The following PARP1 variants were observed in gnomAD, a reference collection of about 807,000 sequenced individuals.
PARP1 encodes poly(ADP-ribose) polymerase 1.
In PARP1, 44 loss-of-function variants were observed where a neutral mutation model predicts 118.7. The observed-to-expected ratio is 0.37, with a 90% CI of 0.29 to 0.48. The LOEUF is 0.48. Among genes scored for constraint, PARP1 ranks in the 20% least tolerant of loss-of-function variants. The probability of loss-of-function intolerance (pLI) is 0.99; values close to 1 mark genes in which losing one functional copy is unlikely to be tolerated. For missense variants in PARP1, 1,100 were observed against 1,272.4 expected, an observed-to-expected ratio of 0.86 and a Z score of 2.06; for synonymous variants, 492 against 483.2, an observed-to-expected ratio of 1.02 and a Z score of -0.24.
At chr1:226,362,409 C>T (rs1157696583) in intron 21 of PARP1, among the ~76,000 whole-genome samples, 2 of 152,070 alleles carry the variant, frequency 1.3e-5, no homozygotes, top group Non-Finnish European at 2.9e-5. Context: ...TGGTCTCGAA[C>T]TCCTGACCTC....
chr1:226,368,087 G>A, intron 16 of PARP1, 112 bp downstream of exon 16: 2 of 1,419,068 alleles, frequency 1.4e-6, no homozygotes, highest in Non-Finnish European at 2.0e-6. Context: ...GCAAGAGGGT[G>A]GCCCTCCCAG....
chr1:226,379,812 G>C, intron 10 of PARP1, 110 bp downstream of exon 10: 2 of 1,545,292 alleles, frequency 1.3e-6, no homozygotes, highest in South Asian at 2.2e-5. Context: ...CTGCTCTGCA[G>C]CACTCAACAG....
At chr1:226,361,923 C>A (rs767125108) in intron 22 of PARP1, 46 bp downstream of exon 22, 8 of 1,174,208 alleles carry the variant, frequency 6.8e-6, no homozygotes, top group Non-Finnish European at 1.0e-5. Context: ...CTCTGTAGCT[C>A]GAGAACATCC....
chr1:226,365,236 G>T, intron 18 of PARP1, 82 bp from the exon 19 acceptor site: 1 of 1,443,382 alleles, frequency 6.9e-7, no homozygotes, highest in Non-Finnish European at 9.7e-7. Context: ...CTGGATACAC[G>T]AGAAATGACC....
At chr1:226,375,215 T>C (rs1043129702) in intron 13 of PARP1, among the ~76,000 whole-genome samples, 5 of 152,222 alleles carry the variant, frequency 3.3e-5, no homozygotes, top group Non-Finnish European at 5.9e-5. Context: ...CTACTCTCAG[T>C]GTTGAAACAC....
intron 7 of PARP1, among the ~76,000 whole-genome samples, chr1:226,384,269 G>A (rs1664675624): frequency 6.6e-6 from 1 of 152,166 alleles, no homozygotes; most frequent in East Asian, 1.9e-4. Context: ...GGTGGGGAGA[G>A]GGGTATGTGA....
At chr1:226,376,378 A>T (rs572355730) in intron 13 of PARP1, among the ~76,000 whole-genome samples, 1 of 152,356 alleles carries the variant, frequency 6.6e-6, no homozygotes, top group African/African-American at 2.4e-5. Context: ...GGAGACGCCC[A>T]AAACTACAGA....
intron 1 of PARP1, among the ~76,000 whole-genome samples, chr1:226,407,156 C>T (rs60698376): frequency 0.13 from 20,320 of 152,066 alleles, 1,748 homozygotes; most frequent in East Asian, 0.34. Flanking sequence ...CCCCTGGAGC[C>T]ACTCTTACTC....
At chr1:226,390,217 C>G (rs575316401) in intron 4 of PARP1, among the ~76,000 whole-genome samples, 193 bp downstream of exon 4, 1 of 152,164 alleles carries the variant, frequency 6.6e-6, no homozygotes, top group African/African-American at 2.4e-5. Context: ...GCCATGGGAA[C>G]CCCTGGCTGT....
intron 13 of PARP1, 21 bp downstream of exon 13, chr1:226,377,087 G>T (rs767790550): frequency 1.2e-6 from 2 of 1,600,212 alleles, no homozygotes; most frequent in Non-Finnish European, 1.7e-6. Context: ...AGCAGACAGT[G>T]TAAGGGCATT....
At position 226,380,022 on chromosome 1, in the gene PARP1, C is replaced by T; in HGVS notation, c.1443G>A (p.Trp481Ter). ...ELFLAHILSP[W>*]GAEVKAEPVE... Reference sequence around the variant, plus strand: ...CAGGCTCTGCCTTCACCTCTGCCCCCCAAGGGGACAAGATGTGCGCTAAGA... The same window carrying T: ...CAGGCTCTGCCTTCACCTCTGCCCCTCAAGGGGACAAGATGTGCGCTAAGA... Residue 481 changes from tryptophan (W) to a stop codon, truncating the protein, a stop_gained, in exon 10 of 23, where the codon TGG (tryptophan) becomes TGA (stop). Coordinates refer to ENST00000366794, the MANE Select transcript of PARP1 (RefSeq NM_001618.4). LOFTEE classifies it high-confidence loss of function. The T allele has an allele frequency of 1.2e-6, 2 of 1,614,224 alleles. No homozygotes were observed. Among genetic ancestry groups the T allele is most frequent in the Non-Finnish European group, 1.7e-6 (2 of 1,180,046 alleles).
At position 226,370,417 on chromosome 1, in the gene PARP1, G is replaced by A. The variant is rs1482757048; in HGVS notation, c.2154+17C>T. The A allele has an allele frequency of 6.2e-7, 1 of 1,601,846 alleles. No individual in the cohort carries two copies. The highest frequency in any genetic ancestry group is 1.3e-5 in the African/African-American group (1 of 74,800). The stretch of plus-strand genomic sequence containing the variant: ...CAGAGGAGGGTTCCAGGAGGCCCCT[G>A]GTAGCCCTGTGCTTACCTGCTGGAC... On this transcript the variant is annotated intron_variant, in intron 15 of 22. Coordinates refer to ENST00000366794, the MANE Select transcript of PARP1 (RefSeq NM_001618.4).
At chr1:226,392,070 C>T in intron 3 of PARP1, 129 bp downstream of exon 3, 1 of 765,388 alleles carries the variant, frequency 1.3e-6, no homozygotes, top group Non-Finnish European at 2.4e-6. Flanking sequence ...AATGTCTTCA[C>T]TTTATTTTTA....
chr1:226,377,261 G>T lies in PARP1; in HGVS notation c.1788C>A (p.Ile596=), dbSNP rs761065646. The T allele has an allele frequency of 6.2e-7, 1 of 1,613,944 alleles. No individual in the cohort carries two copies. The highest frequency in any genetic ancestry group is 8.5e-7 in the Non-Finnish European group (1 of 1,179,918). ...GCATCTGTTCCAGTTTGTTGCTACC[G>T]ATCACCGTACCCACACGGCCCCAGG... is the stretch of plus-strand genomic sequence containing the variant. ...FRSWGRVGTV[I]GSNKLEQMPS... is the part of the protein sequence containing the mutation. Residue 596 remains isoleucine, a synonymous_variant, in exon 13 of 23, where the codon ATC becomes ATA. Coordinates refer to ENST00000366794, the MANE Select transcript of PARP1 (RefSeq NM_001618.4).
intron 2 of PARP1, 32 bp downstream of exon 2, chr1:226,402,182 T>C: frequency 1.2e-6 from 2 of 1,614,192 alleles, no homozygotes; most frequent in Non-Finnish European, 1.7e-6. Flanking sequence ...GGGTGGGGGC[T>C]GAATGCCCAT....
chr1:226,406,493 C>A (rs1665150139), intron 1 of PARP1, among the ~76,000 whole-genome samples: 1 of 152,202 alleles, frequency 6.6e-6, no homozygotes, highest in South Asian at 2.1e-4. Flanking sequence ...TGTGAATTAA[C>A]GACTCCTAAT....
chr1:226,385,630 G>A lies in PARP1; in HGVS notation c.885C>T (p.Cys295=), dbSNP rs745779414. The change falls in exon 7 of 23, where the codon TGC becomes TGT. Residue 295 remains cysteine, a synonymous_variant. Coordinates refer to ENST00000366794, the MANE Select transcript of PARP1 (RefSeq NM_001618.4). The stretch of plus-strand genomic sequence containing the variant: ...AGACCAGCTGACCCGAGCATTCCTC[G>A]CAGGGAAGGAGGGCACCGAACACCA... ...DGMVFGALLP[C]EECSGQLVFK... The A allele has an allele frequency of 1.7e-5, 28 of 1,614,006 alleles. No individual in the cohort carries two copies. The highest frequency in any genetic ancestry group is 3.3e-5 in the Admixed American group (2 of 59,994).
In PARP1 at chr1:226,377,127, A is replaced by G. The variant is rs748106945; in HGVS notation, c.1922T>C (p.Leu641Pro). ...GGTTACCTGGCCATAGTCAATCTCCAGGGGGTAGAACTTTTTGGGATACTT... is the reference window on the plus strand; with the variant it reads ...GGTTACCTGGCCATAGTCAATCTCCGGGGGGTAGAACTTTTTGGGATACTT... ...FTKYPKKFYP[L>P]EIDYGQDEEA... is the part of the protein sequence containing the mutation. Residue 641 changes from leucine to proline, a missense_variant, in exon 13 of 23, where the codon CTG becomes CCG. Leu to Pro is a moderately conservative substitution (Grantham distance 98). Transcript: ENST00000366794. 1 of 1,613,898 alleles carries G rather than the reference A, an allele frequency of 6.2e-7. No individual in the cohort carries two copies. The highest frequency in any genetic ancestry group is 1.3e-5 in the African/African-American group (1 of 75,026).
intron 13 of PARP1, among the ~76,000 whole-genome samples, chr1:226,375,495 C>T (rs1031074456): frequency 1.3e-5 from 2 of 152,146 alleles, no homozygotes; most frequent in African/African-American, 4.8e-5. Context: ...TTCAATGCAG[C>T]CTTAAATAAT....
Sources: gnomAD v4.1 joint callset for allele counts (sites outside exome capture counted in the v4.1 genomes callset) on GRCh38, gnomAD v4.1.1 for gene constraint, MANE v1.5 for transcripts, NCBI Gene and HGNC (gene_info 2026-07-23, HGNC 2026-07-21) for gene names.